ANK3: variants seen among roughly 807,000 people sequenced by gnomAD.
The protein encoded by ANK3 is ankyrin 3, also known as ankyrin-3.
A neutral mutation model predicts 370.9 loss-of-function variants in ANK3; 57 were observed. The observed-to-expected ratio is 0.15, with a 90% CI of 0.12 to 0.19. ANK3 has a LOEUF of 0.19. Ranked by LOEUF, ANK3 falls within the 10% of genes least tolerant of loss-of-function variation. The pLI, the probability that ANK3 is intolerant of heterozygous loss-of-function variation, is 1.00. For synonymous variants in ANK3, 1,929 were observed against 1,946.3 expected (o/e 0.99, Z 0.23); for missense variants, 4,439 against 5,302.1 (o/e 0.84, Z 5.06).
intron 37 of ANK3, 84 bp downstream of exon 37, chr10:60,068,553 C>A: frequency 7.1e-7 from 1 of 1,413,162 alleles, no homozygotes. Context: ...CTAGGGTCTA[C>A]GAGTTGGAAA....
At chr10:60,515,745 G>A (rs1296873072) in intron 2 of ANK3, among the ~76,000 whole-genome samples, 1 of 152,068 alleles carries the variant, frequency 6.6e-6, no homozygotes, top group East Asian at 1.9e-4. Flanking sequence ...ATTCTACCTT[G>A]CTTAGAGTTA....
intron 14 of ANK3, among the ~76,000 whole-genome samples, chr10:60,197,791 A>G (rs1315264987): frequency 6.6e-6 from 1 of 152,230 alleles, no homozygotes; most frequent in African/African-American, 2.4e-5. Flanking sequence ...AATGAGCTCC[A>G]AATTTTGCAT....
At chr10:60,611,299 A>G (rs920416550) in intron 2 of ANK3, among the ~76,000 whole-genome samples, 1 of 152,114 alleles carries the variant, frequency 6.6e-6, no homozygotes, top group African/African-American at 2.4e-5. Context: ...GAATCAGCAG[A>G]GGAAGGACAC....
chr10:60,053,073 G>T (rs1437298124), intron 42 of ANK3, among the ~76,000 whole-genome samples: 19 of 152,142 alleles, frequency 1.2e-4, no homozygotes. Context: ...TCCTTACAAG[G>T]AGTAAGAACT....
intron 2 of ANK3, among the ~76,000 whole-genome samples, chr10:60,399,044 C>T (rs1387168123): frequency 2.0e-5 from 3 of 152,114 alleles, no homozygotes; most frequent in East Asian, 1.9e-4. Context: ...CATGGGAATA[C>T]ATAAATATTT....
intron 4 of ANK3, 87 bp downstream of exon 4, chr10:60,278,687 G>T: frequency 2.0e-6 from 2 of 1,011,694 alleles, no homozygotes; most frequent in South Asian, 2.6e-5. Flanking sequence ...GTTCTTAGAG[G>T]ATATGTGAAC....
intron 2 of ANK3, among the ~76,000 whole-genome samples, chr10:60,585,167 G>A (rs186795317): frequency 3.4e-4 from 52 of 152,182 alleles, no homozygotes; most frequent in African/African-American, 9.4e-4. Flanking sequence ...CCTAGCAGTC[G>A]GGCAGCAAGG....
chr10:60,115,452 C>A (rs2093017891), intron 25 of ANK3, among the ~76,000 whole-genome samples: 1 of 151,958 alleles, frequency 6.6e-6, no homozygotes, highest in South Asian at 2.1e-4. Flanking sequence ...GTGGATAAAA[C>A]CAGAAAAATG....
intron 36 of ANK3, among the ~76,000 whole-genome samples, chr10:60,077,426 T>G (rs1040031076): frequency 6.6e-6 from 1 of 152,164 alleles, no homozygotes; most frequent in Non-Finnish European, 1.5e-5. Flanking sequence ...AATGAAGTAA[T>G]ACAATTCGTA....
At chr10:60,645,872 G>A (rs187237688) in intron 1 of ANK3, among the ~76,000 whole-genome samples, 1 of 152,342 alleles carries the variant, frequency 6.6e-6, no homozygotes, top group East Asian at 1.9e-4. Flanking sequence ...CAATCAGGTA[G>A]TAACAGTCTC....
chr10:60,483,793 C>T (rs10994372), intron 2 of ANK3, among the ~76,000 whole-genome samples: 55,451 of 151,928 alleles, frequency 0.36, 10,522 homozygotes, highest in Middle Eastern at 0.42. Context: ...TTGTCTATAC[C>T]GCCGAACAAG....
intron 2 of ANK3, among the ~76,000 whole-genome samples, chr10:60,469,250 T>TGTATATATATATATATATACCACTTTTA (rs1382606736): frequency 1.9e-4 from 2 of 10,780 alleles, no homozygotes; most frequent in Admixed American, 9.1e-4. Flanking sequence ...CCACTTTTAG[T>TGTATATATATATATATATACCACTTTTA]GTGTGTATAT....
rs146835645 is a variant in ANK3, at chr10:60,101,710, C to T, written c.3328+4195G>A. Among the ~76,000 whole-genome samples the T allele has an allele frequency of 5.9e-5, 9 of 152,254 alleles. No homozygotes were observed. The East Asian group carries it at 1.7e-3, about 29-fold the overall frequency. On this transcript the variant is annotated intron_variant, in intron 28 of 43. Transcript: ENST00000280772. ...TAGACCTTTGCTAATACACCTACTT[C>T]GTTAGCAAAACCACTGATATTTCAG... is the stretch of plus-strand genomic sequence containing the variant.
chr10:60,307,690 T>C (rs997238), intron 1 of ANK3, among the ~76,000 whole-genome samples: 92,719 of 151,824 alleles, frequency 0.61, 28,583 homozygotes, highest in South Asian at 0.79. Flanking sequence ...ACCTAGAATG[T>C]TGTGTGATCC....
In ANK3 at chr10:60,028,834, C is replaced by G. The variant is rs778243921; in HGVS notation, c.*1012G>C. ...ACTAACAGATAGCATCCCCCCACCC[C>G]CTAAAGCAACTACCGTATAGGTTAT... is the stretch of plus-strand genomic sequence containing the variant. On this transcript the variant is annotated 3_prime_UTR_variant, in exon 44 of 44. Coordinates refer to ENST00000280772, the MANE Select transcript of ANK3 (RefSeq NM_020987.5). The G allele has an allele frequency of 1.4e-4, 22 of 152,426 alleles. No homozygotes were observed. The highest frequency in any genetic ancestry group is 5.1e-4 in the African/African-American group (21 of 41,450). The allele number at this position is 152,426 out of a possible 1,614,324, so 9.4% of individuals were successfully genotyped here.
chr10:60,684,439 C>A, intron 1 of ANK3: 1 of 903,516 alleles, frequency 1.1e-6, no homozygotes, highest in Non-Finnish European at 1.7e-6. Flanking sequence ...GGATCACCTA[C>A]GAAGAGAAGT....
chr10:60,241,841 A>C (rs911789522), intron 7 of ANK3, among the ~76,000 whole-genome samples: 6 of 152,228 alleles, frequency 3.9e-5, no homozygotes, highest in African/African-American at 7.2e-5. Context: ...TGCATTTTAT[A>C]AACAACAAAG....
intron 1 of ANK3, among the ~76,000 whole-genome samples, chr10:60,620,799 T>A (rs151169580): frequency 1.6e-4 from 25 of 152,332 alleles, no homozygotes; most frequent in Non-Finnish European, 3.4e-4. Flanking sequence ...GTGATTTTTT[T>A]AATGAATAAA....
At position 60,076,281 on chromosome 10, in the gene ANK3, C is replaced by G. The variant is rs2083783124; in HGVS notation, c.4600G>C (p.Ala1534Pro). 1 of 1,614,088 alleles carries G rather than the reference C, an allele frequency of 6.2e-7. No homozygotes were observed. The highest frequency in any genetic ancestry group is 8.5e-7 in the Non-Finnish European group (1 of 1,179,978). ...GACCATATTGATTTTAACGGAGAAG[C>G]TGATGGCGTATTAGAGGAAGAACTT... Reference protein sequence around the residue: ...LSSSSSNTPSASPLKSIWSVS... With the variant: ...LSSSSSNTPSPSPLKSIWSVS... Residue 1534 changes from alanine to proline, a missense_variant, in exon 37 of 44, where the codon GCT (alanine) becomes CCT (proline). Ala to Pro is a conservative substitution (Grantham distance 27). Coordinates refer to ENST00000280772, the MANE Select transcript of ANK3 (RefSeq NM_020987.5).
Sources: gnomAD v4.1 joint callset for allele counts (sites outside exome capture counted in the v4.1 genomes callset) on GRCh38, gnomAD v4.1.1 for gene constraint, MANE v1.5 for transcripts, NCBI Gene and HGNC (gene_info 2026-07-23, HGNC 2026-07-21) for gene names.